Variants in TRIM44 observed in about 807,000 individuals in gnomAD.
TRIM44 encodes tripartite motif-containing protein 44.
In TRIM44, 13 loss-of-function variants were observed where a neutral mutation model predicts 37.4. The observed-to-expected ratio is 0.35, with a 90% CI of 0.23 to 0.55. The LOEUF (loss-of-function observed/expected upper bound fraction) is 0.55. Ranked by LOEUF, TRIM44 falls within the 20% of genes least tolerant of loss-of-function variation. The pLI is 0.89. For synonymous variants in TRIM44, 175 were observed against 157.2 expected (o/e 1.11, Z -0.85); for missense variants, 426 against 437.2 (o/e 0.97, Z 0.23).
intron 4 of TRIM44, among the ~76,000 whole-genome samples, chr11:35,787,126 G>C (rs1310035892): frequency 1.3e-5 from 2 of 152,168 alleles, no homozygotes. Flanking sequence ...AGCGGTGTGG[G>C]CGGGCATGGG....
chr11:35,793,466 A>G (rs568461593), intron 4 of TRIM44, among the ~76,000 whole-genome samples: 2 of 152,160 alleles, frequency 1.3e-5, no homozygotes, highest in South Asian at 4.1e-4. Flanking sequence ...CGGAGGTTGC[A>G]GTGAGCCAAG....
At chr11:35,776,909 T>A (rs1852974088) in intron 4 of TRIM44, among the ~76,000 whole-genome samples, 1 of 152,242 alleles carries the variant, frequency 6.6e-6, no homozygotes, top group Non-Finnish European at 1.5e-5. Flanking sequence ...TGCGATGTGG[T>A]GCTGAGAAGA....
At chr11:35,767,668 G>A (rs1056817016) in intron 4 of TRIM44, among the ~76,000 whole-genome samples, 1 of 152,130 alleles carries the variant, frequency 6.6e-6, no homozygotes, top group African/African-American at 2.4e-5. Context: ...GCAACTTGAT[G>A]TAATGGAAGG....
At chr11:35,775,483 C>T (rs557394144) in intron 4 of TRIM44, among the ~76,000 whole-genome samples, 50 of 152,302 alleles carry the variant, frequency 3.3e-4, no homozygotes, top group African/African-American at 1.2e-3. Context: ...CCTAATTGCC[C>T]TGGCCAGAAC....
At chr11:35,799,488 G>A (rs983529513) in intron 4 of TRIM44, among the ~76,000 whole-genome samples, 1 of 152,224 alleles carries the variant, frequency 6.6e-6, no homozygotes, top group South Asian at 2.1e-4. Context: ...AAAAAAGCAC[G>A]TGCTTGTATC....
At chr11:35,783,356 G>T (rs984927940) in intron 4 of TRIM44, among the ~76,000 whole-genome samples, 5 of 152,070 alleles carry the variant, frequency 3.3e-5, no homozygotes, top group African/African-American at 1.2e-4. Flanking sequence ...CACTGATGTT[G>T]CCCAGAGCCC....
At chr11:35,669,496 A>C (rs1200122072) in intron 1 of TRIM44, among the ~76,000 whole-genome samples, 1 of 151,834 alleles carries the variant, frequency 6.6e-6, no homozygotes, top group African/African-American at 2.4e-5. Context: ...TTATTTAGAG[A>C]CGAAGTTTCA....
intron 1 of TRIM44, among the ~76,000 whole-genome samples, chr11:35,678,684 C>T (rs1055177793): frequency 6.6e-6 from 1 of 152,022 alleles, no homozygotes; most frequent in Non-Finnish European, 1.5e-5. Context: ...TCTCCGCCCA[C>T]TGCAACCTCC....
chr11:35,774,975 T>G (rs951497970), intron 4 of TRIM44, among the ~76,000 whole-genome samples: 3 of 152,206 alleles, frequency 2.0e-5, no homozygotes, highest in Admixed American at 1.3e-4. Flanking sequence ...CCATATGAAC[T>G]TTAAAGTAGT....
chr11:35,752,355 C>T (rs1049188107), intron 4 of TRIM44, among the ~76,000 whole-genome samples: 1 of 152,064 alleles, frequency 6.6e-6, no homozygotes, highest in Non-Finnish European at 1.5e-5. Context: ...CCCCGACCCC[C>T]ACTGCCATTC....
chr11:35,697,927 T>G (rs1851727263), intron 2 of TRIM44, among the ~76,000 whole-genome samples: 1 of 151,864 alleles, frequency 6.6e-6, no homozygotes, highest in Non-Finnish European at 1.5e-5. Flanking sequence ...TGTGCATGTG[T>G]CTTTATAGCA....
At chr11:35,776,996 G>A (rs1012544937) in intron 4 of TRIM44, among the ~76,000 whole-genome samples, 2 of 152,140 alleles carry the variant, frequency 1.3e-5, no homozygotes, top group Non-Finnish European at 2.9e-5. Context: ...CTGAGTTCAA[G>A]TCCTGGATAT....
At chr11:35,790,691 T>C (rs988284124) in intron 4 of TRIM44, among the ~76,000 whole-genome samples, 2 of 152,202 alleles carry the variant, frequency 1.3e-5, no homozygotes, top group Non-Finnish European at 2.9e-5. Flanking sequence ...ATCTCTTTGC[T>C]GTCTACATCA....
intron 4 of TRIM44, among the ~76,000 whole-genome samples, chr11:35,745,785 C>T (rs1161126655): frequency 6.6e-6 from 1 of 152,116 alleles, no homozygotes; most frequent in Non-Finnish European, 1.5e-5. Context: ...AATTTAGACA[C>T]ACCAGTTCAC....
At chr11:35,722,777 T>A (rs1852124465) in intron 2 of TRIM44, among the ~76,000 whole-genome samples, 6 of 152,194 alleles carry the variant, frequency 3.9e-5, no homozygotes, top group Admixed American at 3.9e-4. Flanking sequence ...ATGCCTAACC[T>A]TCTGGGAAGG....
At chr11:35,692,992 G>A (rs1481880030) in intron 2 of TRIM44, among the ~76,000 whole-genome samples, 2 of 152,048 alleles carry the variant, frequency 1.3e-5, no homozygotes, top group Non-Finnish European at 2.9e-5. Flanking sequence ...AGCAATGGAC[G>A]ATTCTTGAGT....
At chr11:35,676,293 G>T (rs1013236432) in intron 1 of TRIM44, among the ~76,000 whole-genome samples, 7 of 152,292 alleles carry the variant, frequency 4.6e-5, no homozygotes, top group South Asian at 2.1e-4. Context: ...GCCATCTAAG[G>T]TTCTATTCTG....
intron 3 of TRIM44, among the ~76,000 whole-genome samples, chr11:35,729,892 G>T (rs113198731): frequency 6.6e-6 from 1 of 152,164 alleles, no homozygotes; most frequent in Non-Finnish European, 1.5e-5. Context: ...CAAGAGGATC[G>T]TTTGAACCCA....
At chr11:35,739,888 C>T (rs1317415413) in intron 4 of TRIM44, among the ~76,000 whole-genome samples, 1 of 152,054 alleles carries the variant, frequency 6.6e-6, no homozygotes, top group Non-Finnish European at 1.5e-5. Flanking sequence ...ATCACGAGGT[C>T]AGGAGATCGA....
Sources: allele counts gnomAD v4.1 joint callset (sites outside exome capture counted in the v4.1 genomes callset), GRCh38; gene constraint gnomAD v4.1.1; transcripts MANE v1.5; gene names NCBI Gene and HGNC (gene_info 2026-07-23, HGNC 2026-07-21).